ZHX3: variants seen among roughly 807,000 people sequenced by gnomAD.
The protein encoded by ZHX3 is zinc fingers and homeoboxes 3.
ZHX3 carries 20 observed loss-of-function variants against 64.5 expected under a neutral mutation model. That is an observed-to-expected ratio of 0.31 (90% confidence interval 0.22 to 0.45). The LOEUF (loss-of-function observed/expected upper bound fraction) is 0.45. Ranked by LOEUF, ZHX3 falls within the 20% of genes least tolerant of loss-of-function variation. ZHX3 has a pLI of 1.00. For missense variants in ZHX3, 1,041 were observed against 1,195.8 expected (o/e 0.87, Z 1.91); for synonymous variants, 423 against 461.6 (o/e 0.92, Z 1.07).
At chr20:41,236,826 G>C (rs2041030580) in intron 2 of ZHX3, among the ~76,000 whole-genome samples, 1 of 152,108 alleles carries the variant, frequency 6.6e-6, no homozygotes, top group African/African-American at 2.4e-5. Flanking sequence ...AGAGTGAACA[G>C]GCAACCTACA....
chr20:41,243,375 A>G (rs1568884986), intron 2 of ZHX3, among the ~76,000 whole-genome samples: 1 of 152,168 alleles, frequency 6.6e-6, no homozygotes, highest in Non-Finnish European at 1.5e-5. Flanking sequence ...CCATGAGCCA[A>G]TTATTATCAG....
In ZHX3 at chr20:41,179,703, C is replaced by T. The variant is rs1335571064; in HGVS notation, c.*5488G>A. The T allele has an allele frequency of 6.6e-6, 1 of 151,424 alleles. No homozygotes were observed. Among genetic ancestry groups the T allele is most frequent in the Non-Finnish European group, 1.5e-5 (1 of 67,976 alleles). 9.4% of individuals were successfully genotyped at this position (151,424 alleles called of 1,614,324 possible). On this transcript the variant is annotated 3_prime_UTR_variant, in exon 4 of 4. Transcript: ENST00000683867. This position sits in a 1 kb window ranked among gnomAD's most constrained non-coding sequence, Gnocchi z 4.3. ...GGAGTGCAGTGGCACGATCTCAGCT[C>T]ACTGCAACCTCCACCTCCCGGGTTC... is the stretch of plus-strand genomic sequence containing the variant.
chr20:41,256,401 T>G (rs1397486076), intron 2 of ZHX3, among the ~76,000 whole-genome samples: 1 of 152,098 alleles, frequency 6.6e-6, no homozygotes, highest in Non-Finnish European at 1.5e-5. Context: ...GACTATTCAG[T>G]TCTTAATTAG....
intron 2 of ZHX3, among the ~76,000 whole-genome samples, chr20:41,237,980 A>G (rs1432400772): frequency 1.3e-5 from 2 of 152,176 alleles, no homozygotes; most frequent in East Asian, 1.9e-4. Flanking sequence ...CCAATGAACT[A>G]TAAGATCTTT....
chr20:41,218,762 G>A (rs973038578), intron 2 of ZHX3, among the ~76,000 whole-genome samples: 5 of 152,102 alleles, frequency 3.3e-5, no homozygotes, highest in Non-Finnish European at 5.9e-5. Flanking sequence ...AAGAACTCAA[G>A]TCTAAATCCT....
intron 3 of ZHX3, among the ~76,000 whole-genome samples, chr20:41,190,691 T>G (rs1304450217): frequency 6.6e-6 from 1 of 152,212 alleles, no homozygotes; most frequent in East Asian, 1.9e-4. Context: ...ACTTCCATGT[T>G]TAGGACTCTT....
At position 41,202,445 on chromosome 20, in the gene ZHX3, G is replaced by T. The variant is rs978767367; in HGVS notation, c.2472C>A (p.Leu824=). The change falls in exon 3 of 4, where the codon CTC becomes CTA. Residue 824 remains leucine, a synonymous_variant. Transcript: ENST00000683867. The surrounding 1 kb of genome is among the most constrained non-coding windows in gnomAD (Gnocchi z 7.0). The stretch of plus-strand genomic sequence containing the variant: ...CTCGCTTATAGTCTTCGTACCATTT[G>T]AGTTGGCCGTTCTTCAGTGCGTACC... ...DSRYALKNGQ[L]KWYEDYKRGN... 2 of 1,614,202 alleles carry T rather than the reference G, an allele frequency of 1.2e-6. No individual in the cohort carries two copies.
chr20:41,250,002 G>A (rs879445030), intron 2 of ZHX3, among the ~76,000 whole-genome samples: 1 of 152,126 alleles, frequency 6.6e-6, no homozygotes, highest in African/African-American at 2.4e-5. Context: ...GCACCAACAA[G>A]GGGGATAGCT....
chr20:41,274,382 T>A (rs1182497232), intron 1 of ZHX3, among the ~76,000 whole-genome samples: 2 of 152,194 alleles, frequency 1.3e-5, no homozygotes, highest in Admixed American at 6.5e-5. Context: ...ATTGATTATG[T>A]CACATTAGCT....
At chr20:41,196,572 TAAA>T (rs1322413636) in intron 3 of ZHX3, 5 of 89,850 alleles carry the variant, frequency 5.6e-5, no homozygotes, top group Non-Finnish European at 1.0e-4. Flanking sequence ...ATAATATATA[TAAA>T]AATATATATA....
intron 2 of ZHX3, among the ~76,000 whole-genome samples, chr20:41,256,393 C>T (rs981712202): frequency 6.6e-6 from 1 of 152,062 alleles, no homozygotes; most frequent in Non-Finnish European, 1.5e-5. Context: ...CATTAAGAGA[C>T]TATTCAGTTC....
intron 1 of ZHX3, among the ~76,000 whole-genome samples, chr20:41,305,182 T>C (rs2044937890): frequency 6.6e-6 from 1 of 152,220 alleles, no homozygotes; most frequent in Non-Finnish European, 1.5e-5. Flanking sequence ...CAACGAAATG[T>C]CTTAGTTGTT....
chr20:41,209,465 C>G (rs1398620242), intron 2 of ZHX3, among the ~76,000 whole-genome samples: 1 of 152,138 alleles, frequency 6.6e-6, no homozygotes, highest in Non-Finnish European at 1.5e-5. Flanking sequence ...CTACAGTAAC[C>G]AAAACAGCAT....
At chr20:41,199,618 T>C (rs2038050848) in intron 3 of ZHX3, among the ~76,000 whole-genome samples, 1 of 152,010 alleles carries the variant, frequency 6.6e-6, no homozygotes, top group South Asian at 2.1e-4. Context: ...GAAAGCTCCC[T>C]CTGCCCAAGG....
Position 41,204,047 on chromosome 20 carries a change from C to G in ZHX3, c.870G>C (p.Leu290=). The change falls in exon 3 of 4, where the codon CTG becomes CTC. Residue 290 remains leucine (L), a synonymous_variant. Coordinates refer to ENST00000683867, the MANE Select transcript of ZHX3 (RefSeq NM_001384317.1). The surrounding 1 kb of genome is among the most constrained non-coding windows in gnomAD (Gnocchi z 6.6). ...VHAQHHVHQP[L]PTAKALPKVM... is the part of the protein sequence containing the mutation. ...CTTTGGGAAGGGCCTTGGCCGTGGG[C>G]AGTGGCTGGTGGACATGGTGTTGGG... The G allele has an allele frequency of 6.2e-7, 1 of 1,613,542 alleles. No homozygotes were observed. Among genetic ancestry groups the G allele is most frequent in the Non-Finnish European group, 8.5e-7 (1 of 1,179,624 alleles).
rs77053255 is a variant in ZHX3 at position 41,241,038 on chromosome 20, G to A, written c.-151+27952C>T. On this transcript the variant is annotated intron_variant, in intron 2 of 3. Coordinates refer to ENST00000683867, the MANE Select transcript of ZHX3 (RefSeq NM_001384317.1). Reference sequence around the variant, plus strand: ...TTTTGGGGGTATATACCCAGCAGTGGGATGGCTGGATTGTATGATAGCTCT... The same window carrying A: ...TTTTGGGGGTATATACCCAGCAGTGAGATGGCTGGATTGTATGATAGCTCT... 9.9e-3 allele frequency among the ~76,000 whole-genome samples: 1,501 copies of A among 152,242 alleles called. 22 individuals are homozygous for A. The highest frequency in any genetic ancestry group is 0.034 in the African/African-American group (1,429 of 41,540).
At chr20:41,248,782 T>C (rs1012053889) in intron 2 of ZHX3, among the ~76,000 whole-genome samples, 1 of 152,260 alleles carries the variant, frequency 6.6e-6, no homozygotes, top group African/African-American at 2.4e-5. Context: ...TTCTGTTCAC[T>C]GAACTGGCTC....
chr20:41,237,527 A>G lies in ZHX3; in HGVS notation c.-151+31463T>C, dbSNP rs4477978. On this transcript the variant is annotated intron_variant, in intron 2 of 3. Transcript: ENST00000683867. ...CTATCGCAAGGACAAAAAACCAAAC[A>G]CCGCATGTTCTCACTCATAGGTGGG... is the stretch of plus-strand genomic sequence containing the variant. 4.6e-3 allele frequency among the ~76,000 whole-genome samples: 700 copies of G among 152,212 alleles called. 8 individuals are homozygous for G. The highest frequency in any genetic ancestry group is 0.016 in the African/African-American group (663 of 41,524).
At chr20:41,244,869 AC>A (rs2041597741) in intron 2 of ZHX3, among the ~76,000 whole-genome samples, 1 of 151,956 alleles carries the variant, frequency 6.6e-6, no homozygotes, top group Non-Finnish European at 1.5e-5. Context: ...CTATTCCCTC[AC>A]CTCTCACCCT....
Sources: allele counts gnomAD v4.1 joint callset (sites outside exome capture counted in the v4.1 genomes callset), GRCh38; gene constraint gnomAD v4.1.1; non-coding constraint Gnocchi (gnomAD v3.1); transcripts MANE v1.5; gene names NCBI Gene and HGNC (gene_info 2026-07-23, HGNC 2026-07-21).